The following PDE4D variants were observed in gnomAD, a reference collection of about 807,000 sequenced individuals.
PDE4D encodes 3',5'-cyclic-AMP phosphodiesterase 4D.
Under a neutral mutation model 87.4 loss-of-function variants are expected in PDE4D, and 24 were observed. The ratio of observed to expected loss-of-function variants is 0.27; its 90% CI spans 0.20 to 0.39. PDE4D has a LOEUF of 0.39. Among genes scored for constraint, PDE4D ranks in the 10% least tolerant of loss-of-function variants. The pLI, the probability that PDE4D is intolerant of heterozygous loss-of-function variation, is 1.00. For synonymous variants in PDE4D, 384 were observed against 383.2 expected, an observed-to-expected ratio of 1.00 and a Z score of -0.02; for missense variants, 714 against 1,041.0, an observed-to-expected ratio of 0.69 and a Z score of 4.32.
intron 2 of PDE4D, among the ~76,000 whole-genome samples, chr5:60,034,729 G>A (rs762467833): frequency 2.0e-5 from 3 of 152,090 alleles, no homozygotes; most frequent in African/African-American, 4.8e-5. Context: ...TATCATTTCC[G>A]CATGTTATTC....
chr5:59,433,152 T>C (rs1057304058), intron 1 of PDE4D, among the ~76,000 whole-genome samples: 5 of 152,010 alleles, frequency 3.3e-5, no homozygotes, highest in South Asian at 2.1e-4. Flanking sequence ...ATTTAGGAGA[T>C]TGCCCAGTAG....
intron 1 of PDE4D, among the ~76,000 whole-genome samples, chr5:59,497,833 G>T (rs1312168840): frequency 6.6e-6 from 1 of 151,888 alleles, no homozygotes; most frequent in African/African-American, 2.4e-5. Flanking sequence ...ATTCCTGGAA[G>T]AATACTATAT....
At chr5:59,233,537 C>T (rs556876130) in intron 1 of PDE4D, among the ~76,000 whole-genome samples, 20 of 152,204 alleles carry the variant, frequency 1.3e-4, no homozygotes, top group Admixed American at 2.6e-4. Context: ...CTGGCAATGT[C>T]GTAGGTTGAA....
intron 1 of PDE4D, among the ~76,000 whole-genome samples, chr5:60,388,092 T>C (rs916170536): frequency 2.0e-5 from 3 of 152,050 alleles, no homozygotes; most frequent in Admixed American, 6.6e-5. Context: ...TGAGGGAAGA[T>C]GCATGAGCTT....
chr5:60,367,588 C>A (rs1760667944), intron 1 of PDE4D, among the ~76,000 whole-genome samples: 1 of 152,030 alleles, frequency 6.6e-6, no homozygotes, highest in Non-Finnish European at 1.5e-5. Flanking sequence ...GCTGCCCAGT[C>A]ATACTAATCT....
rs116088103 is a variant in PDE4D, at chr5:59,379,963, A to T, written c.456-163995T>A. On this transcript the variant is annotated intron_variant, in intron 1 of 14. Coordinates refer to ENST00000340635, the MANE Select transcript of PDE4D (RefSeq NM_001104631.2). ...GGTCAGCATTGTACCCAGTAGGTAG[A>T]GTTTCCTCCCTTATTCCCCTTTCCC... is the stretch of plus-strand genomic sequence containing the variant. Among the ~76,000 whole-genome samples, 598 of 152,226 alleles carry T rather than the reference A, an allele frequency of 3.9e-3. 1 individual carries two copies. The highest frequency in any genetic ancestry group is 0.014 in the African/African-American group (568 of 41,546).
intron 5 of PDE4D, among the ~76,000 whole-genome samples, chr5:59,097,476 T>C (rs1208491878): frequency 1.3e-5 from 2 of 152,114 alleles, no homozygotes; most frequent in Admixed American, 1.3e-4. Flanking sequence ...CTCCACTCTC[T>C]AAACACACAT....
rs35264771 is a variant in PDE4D at position 59,046,539 on chromosome 5, ATGTG to A, written c.809-7572_809-7569del. Among the ~76,000 whole-genome samples, 155 of 143,536 alleles carry A rather than the reference ATGTG, an allele frequency of 1.1e-3. 1 individual carries two copies. The highest frequency in any genetic ancestry group is 3.4e-3 in the African/African-American group (130 of 38,514). The allele number at this position is 143,536 out of a possible 152,430, so 94.2% of individuals were successfully genotyped here. A position where few individuals can be genotyped will look rare whatever the true frequency, so the allele number is the denominator to read the frequency against. ...CCAATCATCAATAAGGTTATTGAAG[ATGTG>A]TGTGTGTGTGTGTGTGTGTGTGCAT... On this transcript the variant is annotated intron_variant, in intron 5 of 14. Transcript: ENST00000340635.
At chr5:59,971,929 G>A (rs1026043158) in intron 3 of PDE4D, among the ~76,000 whole-genome samples, 3 of 152,180 alleles carry the variant, frequency 2.0e-5, no homozygotes, top group South Asian at 2.1e-4. Flanking sequence ...TAAACAGGGA[G>A]CTTGAAGAAG....
At chr5:59,931,967 C>T (rs999106058) in intron 3 of PDE4D, among the ~76,000 whole-genome samples, 3 of 152,156 alleles carry the variant, frequency 2.0e-5, no homozygotes, top group Non-Finnish European at 4.4e-5. Flanking sequence ...TCCCAAAGTG[C>T]TGGGATTACA....
intron 2 of PDE4D, among the ~76,000 whole-genome samples, chr5:60,071,577 T>C (rs773740546): frequency 1.3e-5 from 2 of 152,126 alleles, no homozygotes; most frequent in Admixed American, 6.5e-5. Flanking sequence ...GTAAAACAAT[T>C]TGGATCCAGA....
chr5:59,470,962 A>T (rs961069053), intron 1 of PDE4D, among the ~76,000 whole-genome samples: 12 of 152,296 alleles, frequency 7.9e-5, no homozygotes, highest in African/African-American at 2.6e-4. Context: ...AGCCGAGTGC[A>T]ATGGCTCATA....
At chr5:60,385,055 C>G (rs1762108516) in intron 1 of PDE4D, among the ~76,000 whole-genome samples, 1 of 152,194 alleles carries the variant, frequency 6.6e-6, no homozygotes, top group Admixed American at 6.5e-5. Flanking sequence ...GAGTCTTCCA[C>G]TCTCTCTTGC....
intron 5 of PDE4D, among the ~76,000 whole-genome samples, chr5:59,081,518 T>TAAAAAAAAAAAAAAA (rs35050580): frequency 7.4e-6 from 1 of 135,438 alleles, no homozygotes; most frequent in Non-Finnish European, 1.6e-5. Context: ...AGTAATCAGG[T>TAAAAAAAAAAAAAAA]AAAAAAAAAA....
intron 5 of PDE4D, among the ~76,000 whole-genome samples, chr5:59,068,032 C>A (rs752584578): frequency 1.2e-4 from 19 of 152,208 alleles, no homozygotes; most frequent in Non-Finnish European, 1.8e-4. Flanking sequence ...AATTGTAGAT[C>A]TTGAAGTGAC....
rs113224842 is a variant in PDE4D, at chr5:60,322,030, T to G, written c.-89-136343A>C. ...CGAGAAATTAAGTCAGAACTACCAT[T>G]TAACCCAGCAACCCCATTATTGGGT... On this transcript the variant is annotated intron_variant, in intron 1 of 16. Transcript: ENST00000502484. 5.3e-5 allele frequency among the ~76,000 whole-genome samples: 8 copies of G among 152,146 alleles called. 1 individual carries two copies. The highest frequency in any genetic ancestry group is 1.9e-4 in the African/African-American group (8 of 41,534).
intron 2 of PDE4D, among the ~76,000 whole-genome samples, chr5:59,206,778 A>G (rs1359990212): frequency 6.6e-6 from 1 of 152,156 alleles, no homozygotes; most frequent in Non-Finnish European, 1.5e-5. Flanking sequence ...ATGCACATCA[A>G]TTAATACACA....
chr5:59,229,363 G>T (rs1754619886), intron 1 of PDE4D, among the ~76,000 whole-genome samples: 1 of 152,068 alleles, frequency 6.6e-6, no homozygotes, highest in African/African-American at 2.4e-5. Context: ...GCTAGGAGTT[G>T]GTCACTTATT....
rs150563389 is a variant in PDE4D, at chr5:59,188,115, T to G, written c.685-2853A>C. The stretch of plus-strand genomic sequence containing the variant: ...TGCTTTTGTTCAGGGCAGCCCTCAC[T>G]TCCCCTGAATTCGACTCTTTAAGAA... On this transcript the variant is annotated intron_variant, in intron 3 of 14. Transcript: ENST00000340635. Among the ~76,000 whole-genome samples the G allele has an allele frequency of 7.0e-3, 1,067 of 152,268 alleles. 10 individuals are homozygous for G. Among genetic ancestry groups the G allele is most frequent in the Middle Eastern group, 0.051 (15 of 294 alleles).
Sources: allele counts gnomAD v4.1 joint callset (sites outside exome capture counted in the v4.1 genomes callset), GRCh38; gene constraint gnomAD v4.1.1; transcripts MANE v1.5; gene names NCBI Gene and HGNC (gene_info 2026-07-23, HGNC 2026-07-21).